The following CAST variants were observed in gnomAD, a reference collection of about 807,000 sequenced individuals.
CAST encodes the protein MIR583 host.
Under a neutral mutation model 119.6 loss-of-function variants are expected in CAST, and 76 were observed. The ratio of observed to expected loss-of-function variants is 0.64; its 90% CI spans 0.53 to 0.77. The LOEUF (loss-of-function observed/expected upper bound fraction) is 0.77, where lower values mean the gene tolerates loss of function less well. CAST is among the 30% of genes least tolerant of loss of function. The pLI, the probability that CAST is intolerant of heterozygous loss-of-function variation, is 0.00. For missense variants in CAST, 953 were observed against 946.5 expected, an observed-to-expected ratio of 1.01 and a Z score of -0.09; for synonymous variants, 319 against 331.6, an observed-to-expected ratio of 0.96 and a Z score of 0.41.
chr5:96,239,437 G>A, the CAST span, among the ~76,000 whole-genome samples: 1 of 152,102 alleles, frequency 6.6e-6, no homozygotes. Flanking sequence ...AATTAGGAGT[G>A]TGATATTTGA....
At chr5:95,999,457 C>T in the CAST span, among the ~76,000 whole-genome samples, 1 of 152,162 alleles carries the variant, frequency 6.6e-6, no homozygotes, top group Non-Finnish European at 1.5e-5. Context: ...TCAAACGATC[C>T]TCCCATCTTA....
chr5:96,613,309 C>T (rs1486218342), intron 1 of CAST, among the ~76,000 whole-genome samples: 2 of 152,156 alleles, frequency 1.3e-5, no homozygotes, highest in African/African-American at 4.8e-5. Context: ...TATCCTTGAA[C>T]ATGGTTTCAT....
At chr5:96,534,522 A>G (rs1745746361) in intron 1 of CAST, among the ~76,000 whole-genome samples, 2 of 151,712 alleles carry the variant, frequency 1.3e-5, no homozygotes, top group South Asian at 4.2e-4. Context: ...TACAAAAATT[A>G]GCCAGGTGTA....
chr5:96,098,303 T>C, the CAST span, among the ~76,000 whole-genome samples: 1 of 152,146 alleles, frequency 6.6e-6, no homozygotes, highest in Non-Finnish European at 1.5e-5. Context: ...TAGTTTCTTT[T>C]GTGCAGAAGC....
intron 1 of CAST, among the ~76,000 whole-genome samples, chr5:96,535,599 A>T (rs1463801524): frequency 1.8e-5 from 2 of 109,720 alleles, no homozygotes; most frequent in African/African-American, 3.6e-5. Context: ...TTTGAGACGG[A>T]GTCTCGCTCT....
At chr5:96,667,383 A>G (rs142405629) in intron 1 of CAST, among the ~76,000 whole-genome samples, 199 of 152,322 alleles carry the variant, frequency 1.3e-3, no homozygotes, top group African/African-American at 4.1e-3. Flanking sequence ...TGCATTTCTC[A>G]TAGATAAAAC....
chr5:96,730,516 C>G (rs185714905), intron 8 of CAST, among the ~76,000 whole-genome samples: 75 of 152,286 alleles, frequency 4.9e-4, no homozygotes, highest in Admixed American at 2.0e-3. Flanking sequence ...GCCATTACAC[C>G]TGGTATGTGT....
chr5:96,079,142 C>T, the CAST span: 1 of 475,892 alleles, frequency 2.1e-6, no homozygotes, highest in South Asian at 1.5e-5. Context: ...TCTTACAACT[C>T]ACACATTAAC....
the CAST span, among the ~76,000 whole-genome samples, chr5:95,983,701 G>A: frequency 3.9e-5 from 6 of 152,118 alleles, no homozygotes; most frequent in East Asian, 3.8e-4. Flanking sequence ...TCATATGTGT[G>A]TACATATTTA....
the CAST span, among the ~76,000 whole-genome samples, chr5:96,346,409 T>C: frequency 6.6e-6 from 1 of 152,274 alleles, no homozygotes; most frequent in East Asian, 1.9e-4. Flanking sequence ...GATCAGATAA[T>C]GGATTTGGCT....
At chr5:96,765,459 A>C (rs1221062473) in intron 26 of CAST, 134 bp downstream of exon 26, 18 of 594,046 alleles carry the variant, frequency 3.0e-5, no homozygotes, top group Non-Finnish European at 3.2e-5. Flanking sequence ...ATAATGAAAT[A>C]GAAAAATCAA....
At chr5:95,973,813 C>A in the CAST span, among the ~76,000 whole-genome samples, 1 of 152,080 alleles carries the variant, frequency 6.6e-6, no homozygotes, top group Non-Finnish European at 1.5e-5. Context: ...CCTTTTCAGT[C>A]TTCTTATCCA....
the CAST span, among the ~76,000 whole-genome samples, chr5:96,361,096 C>A: frequency 1.3e-5 from 2 of 152,144 alleles, no homozygotes; most frequent in Admixed American, 1.3e-4. Flanking sequence ...GTGGGCTCTG[C>A]CACTCAGAAT....
At chr5:96,768,238 C>T (rs1770767481) in intron 29 of CAST, among the ~76,000 whole-genome samples, 1 of 152,002 alleles carries the variant, frequency 6.6e-6, no homozygotes, top group Non-Finnish European at 1.5e-5. Flanking sequence ...CGTGCACCAC[C>T]ACACCCAGCT....
At chr5:96,337,492 G>A in the CAST span, among the ~76,000 whole-genome samples, 8 of 152,160 alleles carry the variant, frequency 5.3e-5, no homozygotes, top group Non-Finnish European at 7.3e-5. Flanking sequence ...ATTTATGTCC[G>A]TAGTAACACT....
At chr5:96,145,896 G>A in the CAST span, among the ~76,000 whole-genome samples, 2 of 152,180 alleles carry the variant, frequency 1.3e-5, no homozygotes, top group African/African-American at 2.4e-5. Flanking sequence ...CTTACATAGT[G>A]GATGGTTGAT....
At chr5:96,352,163 A>G in the CAST span, among the ~76,000 whole-genome samples, 3,493 of 152,282 alleles carry the variant, frequency 0.023, 145 homozygotes, top group African/African-American at 0.079. Flanking sequence ...TTAAGACTTT[A>G]TCATGTTTAT....
At chr5:95,986,744 A>AT in the CAST span, among the ~76,000 whole-genome samples, 5 of 152,168 alleles carry the variant, frequency 3.3e-5, no homozygotes, top group Admixed American at 3.3e-4. Flanking sequence ...TTAAAGAGTT[A>AT]TTTTTCACAG....
At chr5:96,255,565 CT>C in the CAST span, among the ~76,000 whole-genome samples, 78,854 of 151,586 alleles carry the variant, frequency 0.52, 21,759 homozygotes, top group African/African-American at 0.7. Flanking sequence ...GTCCAAATAA[CT>C]TTTTTTTTGT....
Sources: allele counts gnomAD v4.1 joint callset (sites outside exome capture counted in the v4.1 genomes callset), GRCh38; gene constraint gnomAD v4.1.1; transcripts MANE v1.5; gene names NCBI Gene and HGNC (gene_info 2026-07-23, HGNC 2026-07-21).